Variants in MAGI2 observed in about 807,000 individuals in gnomAD.
MAGI2 encodes membrane associated guanylate kinase, WW and PDZ domain containing 2, also known as membrane-associated guanylate kinase, WW and PDZ domain-containing protein 2.
MAGI2 carries 35 observed loss-of-function variants against 133.3 expected under a neutral mutation model. The observed-to-expected ratio is 0.26, with a 90% confidence interval of 0.20 to 0.35. The LOEUF (loss-of-function observed/expected upper bound fraction) is 0.35, where lower values mean the gene tolerates loss of function less well. Among genes scored for constraint, MAGI2 ranks in the 10% least tolerant of loss-of-function variants. MAGI2 has a pLI of 1.00. For missense variants in MAGI2, 1,636 were observed against 1,863.4 expected (o/e 0.88, Z 2.25); for synonymous variants, 729 against 710.6 (o/e 1.03, Z -0.41).
chr7:78,522,961 A>C (rs750607313), intron 3 of MAGI2, among the ~76,000 whole-genome samples: 1 of 152,186 alleles, frequency 6.6e-6, no homozygotes, highest in Non-Finnish European at 1.5e-5. Flanking sequence ...TCAACAGTCC[A>C]CTAAGGGAGA....
intron 1 of MAGI2, among the ~76,000 whole-genome samples, chr7:79,445,421 C>T (rs903847613): frequency 6.6e-6 from 1 of 152,112 alleles, no homozygotes; most frequent in African/African-American, 2.4e-5. Context: ...ATCCATCTGA[C>T]AAAGGGCTAA....
Position 79,215,402 on chromosome 7 carries a change from A to C in MAGI2, c.302-208196T>G, listed in dbSNP as rs79553784. On this transcript the variant is annotated intron_variant, in intron 1 of 21. Coordinates refer to ENST00000354212, the MANE Select transcript of MAGI2 (RefSeq NM_012301.4). ...CCAGTTTTTTTCCTGATCCAGGAGA[A>C]ATGAAGAGTCTGGCACCTTTTTAAG... Among the ~76,000 whole-genome samples, 103 of 152,130 alleles carry C rather than the reference A, an allele frequency of 6.8e-4. 2 individuals carry two copies. The East Asian group carries it at 9.1e-3, about 13-fold the overall frequency.
chr7:79,004,115 A>G (rs922247852), intron 2 of MAGI2, among the ~76,000 whole-genome samples: 4 of 152,206 alleles, frequency 2.6e-5, no homozygotes, highest in Admixed American at 2.0e-4. Flanking sequence ...TTCCAAAGGA[A>G]TAAATATAGG....
intron 2 of MAGI2, among the ~76,000 whole-genome samples, chr7:78,665,077 T>C (rs1334684672): frequency 6.6e-6 from 1 of 152,098 alleles, no homozygotes; most frequent in East Asian, 1.9e-4. Flanking sequence ...GGTATACATA[T>C]TAGTGTAATT....
intron 3 of MAGI2, among the ~76,000 whole-genome samples, chr7:78,574,043 C>A (rs1252237954): frequency 2.0e-5 from 3 of 152,132 alleles, no homozygotes; most frequent in African/African-American, 4.8e-5. Context: ...AAAGAATAAT[C>A]ATCTAACATT....
At chr7:78,257,950 CT>C (rs1455979788) in intron 9 of MAGI2, among the ~76,000 whole-genome samples, 7 of 152,172 alleles carry the variant, frequency 4.6e-5, no homozygotes, top group African/African-American at 1.4e-4. Flanking sequence ...CAGAGTTGAA[CT>C]TTTAGAGTTG....
rs1432781773 is a variant in MAGI2 at position 79,115,868 on chromosome 7, T to TG, written c.302-108663_302-108662insC. Among the ~76,000 whole-genome samples the TG allele has an allele frequency of 1.8e-3, 276 of 149,386 alleles. 5 individuals carry two copies. The highest frequency in any genetic ancestry group is 6.5e-3 in the African/African-American group (263 of 40,634). On this transcript the variant is annotated intron_variant, in intron 1 of 21. Coordinates refer to ENST00000354212, the MANE Select transcript of MAGI2 (RefSeq NM_012301.4). Reference sequence around the variant, plus strand: ...AATGTTTTAAAGTTTTTTTTTTTTTTTTTTTTTTTTTTTTAAAGAAACAAC... The same window carrying TG: ...AATGTTTTAAAGTTTTTTTTTTTTTTGTTTTTTTTTTTTTTAAAGAAACAAC...
chr7:78,147,373 C>T (rs1823406441), intron 16 of MAGI2, among the ~76,000 whole-genome samples: 1 of 152,128 alleles, frequency 6.6e-6, no homozygotes, highest in Admixed American at 6.5e-5. Flanking sequence ...CTTTCTTACC[C>T]AAGTATTGTA....
rs529644391 is a variant in MAGI2, at chr7:78,089,013, G to A, written c.3568-9928C>T. On this transcript the variant is annotated intron_variant, in intron 20 of 21. Coordinates refer to ENST00000354212, the MANE Select transcript of MAGI2 (RefSeq NM_012301.4). ...CTGCTGGCTTTGAAGATGGAGGAAGGAAATATAAGCCAAGGAGTTTCTAGA... is the reference window on the plus strand; with the variant it reads ...CTGCTGGCTTTGAAGATGGAGGAAGAAAATATAAGCCAAGGAGTTTCTAGA... 1.3e-3 allele frequency among the ~76,000 whole-genome samples: 198 copies of A among 152,318 alleles called. 2 individuals are homozygous for A. The highest frequency in any genetic ancestry group is 2.2e-3 in the Non-Finnish European group (148 of 68,028).
chr7:79,023,011 A>G (rs1253534053), intron 1 of MAGI2, among the ~76,000 whole-genome samples: 1 of 152,194 alleles, frequency 6.6e-6, no homozygotes, highest in Non-Finnish European at 1.5e-5. Flanking sequence ...TCCTGCATAA[A>G]AACTTAGCAG....
intron 1 of MAGI2, among the ~76,000 whole-genome samples, chr7:79,223,276 T>C (rs926736033): frequency 6.6e-6 from 1 of 152,102 alleles, no homozygotes; most frequent in African/African-American, 2.4e-5. Context: ...TTAAAAGTAT[T>C]GGTAGAAGTC....
chr7:78,893,031 A>T (rs1196572521), intron 2 of MAGI2, among the ~76,000 whole-genome samples: 1 of 152,126 alleles, frequency 6.6e-6, no homozygotes, highest in Non-Finnish European at 1.5e-5. Context: ...ACAAATTTAC[A>T]AGAAAAAAAC....
intron 3 of MAGI2, among the ~76,000 whole-genome samples, chr7:78,521,979 G>C (rs1796547416): frequency 6.6e-6 from 1 of 152,106 alleles, no homozygotes; most frequent in Non-Finnish European, 1.5e-5. Flanking sequence ...AACAAGACTT[G>C]ATTATAACCT....
intron 2 of MAGI2, among the ~76,000 whole-genome samples, chr7:78,721,122 GA>G (rs1563407772): frequency 6.6e-6 from 1 of 151,734 alleles, no homozygotes; most frequent in African/African-American, 2.4e-5. Context: ...ACATAACCAA[GA>G]AAAAAATAGG....
intron 2 of MAGI2, among the ~76,000 whole-genome samples, chr7:78,710,868 C>T (rs1211299278): frequency 6.6e-6 from 1 of 152,210 alleles, no homozygotes; most frequent in African/African-American, 2.4e-5. Context: ...TGAGTTTAAG[C>T]CTGGCAACTA....
chr7:78,180,924 A>AT lies in MAGI2; in HGVS notation c.2312-2823dup, dbSNP rs371615787. Among the ~76,000 whole-genome samples the AT allele has an allele frequency of 9.8e-3, 1,062 of 107,974 alleles. 29 individuals are homozygous for AT. Among genetic ancestry groups the AT allele is most frequent in the African/African-American group, 0.038 (998 of 26,570 alleles). 70.8% of individuals were successfully genotyped at this position (107,974 alleles called of 152,430 possible). ...ATAGATTGTGCCTTGAGGCAGCAGT[A>AT]TTTTTTTTTTTTTTTTTTTTTTTTT... On this transcript the variant is annotated intron_variant, in intron 13 of 21. Transcript: ENST00000354212.
At chr7:78,268,583 T>C (rs964803989) in intron 9 of MAGI2, among the ~76,000 whole-genome samples, 7 of 152,200 alleles carry the variant, frequency 4.6e-5, no homozygotes, top group Non-Finnish European at 1.0e-4. Flanking sequence ...TGAGCTGCCA[T>C]ACCCCTAGTG....
intron 5 of MAGI2, among the ~76,000 whole-genome samples, chr7:78,496,540 C>T (rs1025623234): frequency 3.3e-5 from 5 of 152,094 alleles, no homozygotes; most frequent in South Asian, 2.1e-4. Context: ...AATTGCTGGC[C>T]AAGAAACTTA....
chr7:78,410,433 A>C (rs1333600935), intron 6 of MAGI2, among the ~76,000 whole-genome samples: 1 of 152,032 alleles, frequency 6.6e-6, no homozygotes, highest in Non-Finnish European at 1.5e-5. Context: ...TGATCCTAGA[A>C]GGCCAGGGTT....
Sources: allele counts gnomAD v4.1 joint callset (sites outside exome capture counted in the v4.1 genomes callset), GRCh38; gene constraint gnomAD v4.1.1; transcripts MANE v1.5; gene names NCBI Gene and HGNC (gene_info 2026-07-23, HGNC 2026-07-21).